Variants in GYPE observed in about 807,000 individuals in gnomAD.
The protein encoded by GYPE is glycophorin E (MNS blood group), also known as glycophorin-E.
A neutral mutation model predicts 11.6 loss-of-function variants in GYPE; 8 were observed. That is an observed-to-expected ratio of 0.69 (90% CI 0.41 to 1.25). GYPE has a LOEUF of 1.25. Ranked by LOEUF, GYPE falls within the 50% of genes most tolerant of loss-of-function variation. The pLI is 0.01. For missense variants in GYPE, 90 were observed against 92.8 expected (o/e 0.97, Z 0.12); for synonymous variants, 28 against 29.6 (o/e 0.94, Z 0.18).
chr4:143,902,201 A>G (rs900879993), intron 1 of GYPE, among the ~76,000 whole-genome samples: 3 of 152,004 alleles, frequency 2.0e-5, no homozygotes, highest in Non-Finnish European at 4.4e-5. Context: ...GTGGCTGACA[A>G]TGTGTGGGAC....
Position 143,896,372 on chromosome 4 carries a change from G to C in GYPE, c.37+9099C>G, listed in dbSNP as rs1300826124. ...GGATATGAACAGATACTTCTCAAAAGAAGACATTTATGCAGCCAAAAGACA... is the reference window on the plus strand; with the variant it reads ...GGATATGAACAGATACTTCTCAAAACAAGACATTTATGCAGCCAAAAGACA... On this transcript the variant is annotated intron_variant, in intron 1 of 3. Coordinates refer to ENST00000358615, the MANE Select transcript of GYPE (RefSeq NM_198682.3). Among the ~76,000 whole-genome samples the C allele has an allele frequency of 1.1e-4, 16 of 152,266 alleles. 1 individual carries two copies. In the South Asian group the frequency reaches 3.3e-3, roughly 32 times the overall value.
At chr4:143,903,924 TG>T (rs1286373336) in intron 1 of GYPE, among the ~76,000 whole-genome samples, 2 of 152,188 alleles carry the variant, frequency 1.3e-5, no homozygotes, top group African/African-American at 2.4e-5. Flanking sequence ...TGTCTAATTT[TG>T]TTTGAGTTAC....
intron 1 of GYPE, among the ~76,000 whole-genome samples, chr4:143,893,281 C>G (rs1353141062): frequency 5.0e-5 from 7 of 139,776 alleles, no homozygotes; most frequent in African/African-American, 1.1e-4. Flanking sequence ...CAGTCTGTGT[C>G]TTTTAATTGG....
In GYPE at chr4:143,878,717, A is replaced by T. The variant is rs73853564; in HGVS notation, c.136+1694T>A. On this transcript the variant is annotated intron_variant, in intron 2 of 3. Coordinates refer to ENST00000358615, the MANE Select transcript of GYPE (RefSeq NM_198682.3). ...TTCAATGTAAGTCCAAATAAGTAAGACGTGCAAAGAAAAAAATCATTTTGG... is the reference window on the plus strand; with the variant it reads ...TTCAATGTAAGTCCAAATAAGTAAGTCGTGCAAAGAAAAAAATCATTTTGG... 4.1e-3 allele frequency: 1,969 copies of T among 478,290 alleles called. 27 individuals are homozygous for T. The highest frequency in any genetic ancestry group is 0.034 in the African/African-American group (1,726 of 50,052). 29.6% of individuals were successfully genotyped at this position (478,290 alleles called of 1,614,324 possible).
intron 1 of GYPE, among the ~76,000 whole-genome samples, chr4:143,895,456 T>G (rs78101616): frequency 0.94 from 140,676 of 149,404 alleles, 66,832 homozygotes; most frequent in East Asian, 1. Context: ...CAAGGGATGT[T>G]AAGGACCTCT....
In GYPE at chr4:143,874,541, T is replaced by C. The variant is rs571439538; in HGVS notation, c.*9+2205A>G. 1.3e-3 allele frequency among the ~76,000 whole-genome samples: 204 copies of C among 152,316 alleles called. 1 individual carries two copies. The highest frequency in any genetic ancestry group is 4.5e-3 in the African/African-American group (189 of 41,566). On this transcript the variant is annotated intron_variant, in intron 3 of 3. Coordinates refer to ENST00000358615, the MANE Select transcript of GYPE (RefSeq NM_198682.3). ...CAGATTTGTGACAATCTCTTACTGC[T>C]CACTTAGGGGAGGCATACAGCATAT...
At chr4:143,880,661 TGTG>T (rs1248719292) in intron 1 of GYPE, among the ~76,000 whole-genome samples, 152 bp from the exon 2 acceptor site, 1 of 152,234 alleles carries the variant, frequency 6.6e-6, no homozygotes, top group Non-Finnish European at 1.5e-5. Context: ...AGAATTGCTG[TGTG>T]GTAAGTATTG....
intron 3 of GYPE, among the ~76,000 whole-genome samples, chr4:143,876,371 C>T (rs967627881): frequency 2.0e-5 from 3 of 152,066 alleles, no homozygotes; most frequent in African/African-American, 7.2e-5. Flanking sequence ...GCCTTGGCCT[C>T]CCCCAAAGTT....
chr4:143,896,198 A>T (rs1243043266), intron 1 of GYPE, among the ~76,000 whole-genome samples: 2 of 152,202 alleles, frequency 1.3e-5, no homozygotes, highest in Non-Finnish European at 2.9e-5. Flanking sequence ...AGCAAAAGAA[A>T]CTACCATCAG....
intron 1 of GYPE, among the ~76,000 whole-genome samples, chr4:143,885,431 GTTTC>G (rs1215848209): frequency 6.6e-6 from 1 of 152,068 alleles, no homozygotes; most frequent in African/African-American, 2.4e-5. Context: ...TTCTTCAACA[GTTTC>G]TTTCTTCTTC....
At chr4:143,878,386 T>G (rs1275845413) in intron 2 of GYPE, among the ~76,000 whole-genome samples, 6 of 152,210 alleles carry the variant, frequency 3.9e-5, no homozygotes, top group Admixed American at 2.0e-4. Flanking sequence ...TTAGCCAGGC[T>G]TGGCCTCTGA....
chr4:143,890,295 T>C (rs945934794), intron 1 of GYPE, among the ~76,000 whole-genome samples: 2 of 152,172 alleles, frequency 1.3e-5, no homozygotes, highest in African/African-American at 4.8e-5. Flanking sequence ...TCCTGCCTAC[T>C]AAAGAATCCT....
intron 3 of GYPE, among the ~76,000 whole-genome samples, chr4:143,875,142 A>G (rs1236159531): frequency 2.6e-5 from 4 of 152,124 alleles, no homozygotes; most frequent in Non-Finnish European, 4.4e-5. Context: ...ACTTCATGTT[A>G]TCCTGGACAG....
intron 1 of GYPE, among the ~76,000 whole-genome samples, chr4:143,885,662 T>C (rs1560943192): frequency 6.6e-6 from 1 of 151,016 alleles, no homozygotes; most frequent in Admixed American, 6.6e-5. Context: ...TCTGAACTAT[T>C]GTCAGAACTT....
intron 1 of GYPE, among the ~76,000 whole-genome samples, chr4:143,881,424 C>T (rs1744017861): frequency 6.6e-6 from 1 of 151,912 alleles, no homozygotes; most frequent in Non-Finnish European, 1.5e-5. Flanking sequence ...TACAAGAAAG[C>T]ACAAAGAATA....
At chr4:143,875,606 T>C (rs4086525) in intron 3 of GYPE, 34 of 1,532,212 alleles carry the variant, frequency 2.2e-5, no homozygotes, top group Admixed American at 3.9e-5. Context: ...CAATCCTTCA[T>C]AGGGTGTAGC....
intron 2 of GYPE, chr4:143,878,743 A>T: frequency 2.2e-6 from 1 of 461,656 alleles, no homozygotes; most frequent in African/African-American, 2.0e-5. Context: ...ATCATTTTGG[A>T]ATCGAACTGT....
intron 3 of GYPE, among the ~76,000 whole-genome samples, chr4:143,873,955 C>T (rs1743700439): frequency 6.6e-6 from 1 of 151,818 alleles, no homozygotes; most frequent in East Asian, 1.9e-4. Context: ...ATTGAATGGT[C>T]ACTGGAACAT....
chr4:143,900,788 T>A (rs1252503498), intron 1 of GYPE, among the ~76,000 whole-genome samples: 1 of 152,122 alleles, frequency 6.6e-6, no homozygotes, highest in Non-Finnish European at 1.5e-5. Context: ...TGGGTAAATC[T>A]GTAGAGGTAG....
Sources: allele counts gnomAD v4.1 joint callset (sites outside exome capture counted in the v4.1 genomes callset), GRCh38; gene constraint gnomAD v4.1.1; transcripts MANE v1.5; gene names NCBI Gene and HGNC (gene_info 2026-07-23, HGNC 2026-07-21).